ANKRD6: variants seen among roughly 807,000 people sequenced by gnomAD.
ANKRD6 encodes ankyrin repeat domain 6, also known as ankyrin repeat domain-containing protein 6.
ANKRD6 carries 56 observed loss-of-function variants against 82.3 expected under a neutral mutation model. The observed-to-expected ratio is 0.68, with a 90% CI of 0.55 to 0.85. ANKRD6 has a LOEUF of 0.85. ANKRD6 is among the 40% of genes least tolerant of loss of function. The pLI is 0.00. For synonymous variants in ANKRD6, 347 were observed against 352.1 expected (o/e 0.99, Z 0.16); for missense variants, 852 against 907.6 (o/e 0.94, Z 0.79).
intron 5 of ANKRD6, among the ~76,000 whole-genome samples, chr6:89,606,874 G>A (rs1743879640): frequency 6.6e-6 from 1 of 150,812 alleles, no homozygotes; most frequent in Admixed American, 6.6e-5. Flanking sequence ...TGGGGGCGGG[G>A]GTGGGCCTTT....
chr6:89,483,528 T>G (rs1362388393), intron 1 of ANKRD6: 2 of 152,286 alleles, frequency 1.3e-5, no homozygotes, highest in Non-Finnish European at 2.9e-5. Context: ...TTGTGAGGCC[T>G]GGGCCATCCC....
At chr6:89,457,982 C>T (rs768214413) in intron 1 of ANKRD6, among the ~76,000 whole-genome samples, 2 of 152,106 alleles carry the variant, frequency 1.3e-5, no homozygotes, top group Non-Finnish European at 2.9e-5. Flanking sequence ...ATAAAAGAGA[C>T]CTCAGAGAGC....
At chr6:89,526,024 G>A (rs1418745041) in intron 1 of ANKRD6, among the ~76,000 whole-genome samples, 1 of 152,214 alleles carries the variant, frequency 6.6e-6, no homozygotes, top group Non-Finnish European at 1.5e-5. Context: ...TCTTGTAGCT[G>A]TAGGAATTTA....
At position 89,445,417 on chromosome 6, in the gene ANKRD6, C is replaced by T. The variant is rs180905727; in HGVS notation, c.-144+12042C>T. Among the ~76,000 whole-genome samples, 170 of 151,390 alleles carry T rather than the reference C, an allele frequency of 1.1e-3. 1 individual carries two copies. Among genetic ancestry groups the T allele is most frequent in the Admixed American group, 9.0e-3 (136 of 15,168 alleles). On this transcript the variant is annotated intron_variant, in intron 1 of 15. Coordinates refer to ENST00000339746, the MANE Select transcript of ANKRD6 (RefSeq NM_001242809.2). The stretch of plus-strand genomic sequence containing the variant: ...CCACTAGTAGCTGGGATTACAGGCA[C>T]GTGCCACCATGCCCGGCTAATTTTT...
At chr6:89,568,006 T>G (rs1788924964) in intron 2 of ANKRD6, 1 of 152,228 alleles carries the variant, frequency 6.6e-6, no homozygotes, top group Non-Finnish European at 1.5e-5. Flanking sequence ...CCTATTTTCA[T>G]GTTTACTTAT....
intron 1 of ANKRD6, chr6:89,504,991 CAT>C (rs1779682003): frequency 6.6e-6 from 1 of 152,210 alleles, no homozygotes; most frequent in Admixed American, 6.5e-5. Flanking sequence ...CCATGAGTCA[CAT>C]GTGTCCACAG....
rs190272729 is a variant in ANKRD6 at position 89,616,530 on chromosome 6, G to C, written c.616-29G>C. ...GGGGCTGTAGGCCATGAGCAGATGA[G>C]GTTTAGCAGACCTTCTAATCAATTC... On this transcript the variant is annotated intron_variant, in intron 7 of 15. Coordinates refer to ENST00000339746, the MANE Select transcript of ANKRD6 (RefSeq NM_001242809.2). 9.8e-5 allele frequency: 158 copies of C among 1,607,276 alleles called. 1 individual carries two copies. The East Asian group carries it at 1.9e-3, about 19-fold the overall frequency.
intron 1 of ANKRD6, among the ~76,000 whole-genome samples, chr6:89,462,535 T>C (rs1269786773): frequency 3.9e-5 from 6 of 152,070 alleles, no homozygotes; most frequent in Non-Finnish European, 5.9e-5. Context: ...CTAACACATA[T>C]AGGACATATA....
Position 89,627,669 on chromosome 6 carries a change from A to T in ANKRD6, c.1458A>T (p.Thr486=). The T allele has an allele frequency of 6.2e-7, 1 of 1,613,792 alleles. No homozygotes were observed. The highest frequency in any genetic ancestry group is 1.1e-5 in the South Asian group (1 of 91,082). Residue 486 remains threonine, a synonymous_variant, in exon 14 of 16, where the codon ACA becomes ACT. Transcript: ENST00000339746. ...ACCGCCTGCAACAGCACTCAGACAC[A>T]GAGAAGCATGAGGGGGAGAAACGAC... ...CLNRLQQHSD[T]EKHEGEKRQI...
At chr6:89,469,061 G>T (rs1280974087) in intron 1 of ANKRD6, among the ~76,000 whole-genome samples, 1 of 152,130 alleles carries the variant, frequency 6.6e-6, no homozygotes, top group Non-Finnish European at 1.5e-5. Context: ...CCTATACCCA[G>T]CTCAAAAGTA....
At chr6:89,439,184 C>G (rs1405380746) in intron 1 of ANKRD6, among the ~76,000 whole-genome samples, 1 of 152,112 alleles carries the variant, frequency 6.6e-6, no homozygotes, top group Non-Finnish European at 1.5e-5. Context: ...AATCATCCAA[C>G]CATGTAGAGA....
Position 89,622,019 on chromosome 6 carries a change from A to G in ANKRD6, c.890A>G (p.Gln297Arg). Reference protein sequence around the residue: ...AQSVPRDEVAQSKGSVSAGDT... With the variant: ...AQSVPRDEVARSKGSVSAGDT... ...TCTGTGCCAAGAGATGAGGTGGCCCAAAGCAAGGTGGGGGGCAGTCCTCCC... is the reference window on the plus strand; with the variant it reads ...TCTGTGCCAAGAGATGAGGTGGCCCGAAGCAAGGTGGGGGGCAGTCCTCCC... The change falls in exon 10 of 16, where the codon CAA (glutamine) becomes CGA (arginine). Residue 297 changes from glutamine (Q) to arginine (R), a missense_variant. By Grantham distance (43) the Gln-to-Arg change is conservative. Coordinates refer to ENST00000339746, the MANE Select transcript of ANKRD6 (RefSeq NM_001242809.2). 1 of 1,612,134 alleles carries G rather than the reference A, an allele frequency of 6.2e-7. No individual in the cohort carries two copies. The highest frequency in any genetic ancestry group is 1.3e-5 in the African/African-American group (1 of 74,996).
chr6:89,588,484 T>C (rs992121916), intron 2 of ANKRD6, among the ~76,000 whole-genome samples: 3 of 152,206 alleles, frequency 2.0e-5, no homozygotes, highest in East Asian at 1.9e-4. Flanking sequence ...ATGATTACAC[T>C]AATTTAACCT....
At chr6:89,625,181 G>A (rs751891431) in intron 13 of ANKRD6, among the ~76,000 whole-genome samples, 2 of 152,096 alleles carry the variant, frequency 1.3e-5, no homozygotes, top group Non-Finnish European at 2.9e-5. Flanking sequence ...TACTCGGGAG[G>A]CTGAGGCATA....
chr6:89,503,378 C>T (rs1216665087), intron 1 of ANKRD6, among the ~76,000 whole-genome samples: 2 of 152,124 alleles, frequency 1.3e-5, no homozygotes, highest in East Asian at 1.9e-4. Flanking sequence ...GCCATTGGTT[C>T]GGGTGTTTAT....
At chr6:89,539,515 A>G (rs1784221332) in intron 1 of ANKRD6, among the ~76,000 whole-genome samples, 1 of 152,058 alleles carries the variant, frequency 6.6e-6, no homozygotes, top group Admixed American at 6.6e-5. Context: ...TACCTCCTTT[A>G]TAACTTTAAA....
Position 89,488,875 on chromosome 6 carries a change from A to ATTCTATTCTG in ANKRD6, c.-144+55509_-144+55510insGTTCTATTCT, listed in dbSNP as rs1182193391. On this transcript the variant is annotated intron_variant, in intron 1 of 15. Transcript: ENST00000339746. ...CACCCAAAATATATCGATCTATTCT[A>ATTCTATTCTG]TTCTATTCTATTCTATTCTATTCTA... Among the ~76,000 whole-genome samples the ATTCTATTCTG allele has an allele frequency of 5.4e-5, 7 of 129,454 alleles. No homozygotes were observed. The East Asian group carries it at 1.5e-3, about 27-fold the overall frequency. 84.9% of individuals were successfully genotyped at this position (129,454 alleles called of 152,430 possible).
intron 1 of ANKRD6, among the ~76,000 whole-genome samples, chr6:89,462,720 T>TCTTTGGG (rs1774334104): frequency 6.6e-6 from 1 of 152,332 alleles, no homozygotes; most frequent in East Asian, 1.9e-4. Context: ...AAAAAGATTA[T>TCTTTGGG]CTTTGGGCAA....
chr6:89,526,368 C>T (rs1458133304), intron 1 of ANKRD6, among the ~76,000 whole-genome samples: 6 of 152,196 alleles, frequency 3.9e-5, no homozygotes, highest in African/African-American at 1.4e-4. Flanking sequence ...CCATTCCCTC[C>T]TTCAGCCTTG....
Sources: allele counts gnomAD v4.1 joint callset (sites outside exome capture counted in the v4.1 genomes callset), GRCh38; gene constraint gnomAD v4.1.1; transcripts MANE v1.5; gene names NCBI Gene and HGNC (gene_info 2026-07-23, HGNC 2026-07-21).